The following ZFAT variants were observed in gnomAD, a reference collection of about 807,000 sequenced individuals.
ZFAT encodes the protein zinc finger protein ZFAT.
In ZFAT, 64 loss-of-function variants were observed where a neutral mutation model predicts 117.7. The observed-to-expected ratio is 0.54, with a 90% confidence interval of 0.44 to 0.67. The LOEUF (loss-of-function observed/expected upper bound fraction) is 0.67, where lower values mean the gene tolerates loss of function less well. ZFAT is among the 30% of genes least tolerant of loss of function. The probability of loss-of-function intolerance (pLI) is 0.00; values close to 1 mark genes in which losing one functional copy is unlikely to be tolerated. For synonymous variants in ZFAT, 679 were observed against 615.0 expected (o/e 1.10, Z -1.54); for missense variants, 1,433 against 1,584.5 (o/e 0.90, Z 1.62).
intron 7 of ZFAT, chr8:134,599,647 C>A (rs1330988727): frequency 7.5e-6 from 3 of 400,258 alleles, no homozygotes; most frequent in Non-Finnish European, 9.7e-6. Flanking sequence ...TGCCAGGAAA[C>A]CATGGTAGCA....
chr8:134,770,697 C>A, the ZFAT span, among the ~76,000 whole-genome samples: 1 of 152,218 alleles, frequency 6.6e-6, no homozygotes, highest in South Asian at 2.1e-4. Context: ...TGGAACAGAG[C>A]CATATTTCTC....
In ZFAT at chr8:134,712,905, T is replaced by C; in HGVS notation, c.-42A>G. ...GGAGGAAAAAAAAGCCTCGGGCTCT[T>C]CCGGGCCCCCTCCCGTGCCGACCGA... On this transcript the variant is annotated 5_prime_UTR_variant, in exon 1 of 16. Coordinates refer to ENST00000377838, the MANE Select transcript of ZFAT (RefSeq NM_020863.4). 6.7e-7 allele frequency: 1 copy of C among 1,493,268 alleles called. No homozygotes were observed. Among genetic ancestry groups the C allele is most frequent in the Admixed American group, 2.3e-5 (1 of 43,160 alleles). The allele number at this position is 1,493,268 out of a possible 1,614,324, so 92.5% of individuals were successfully genotyped here.
intron 1 of ZFAT, among the ~76,000 whole-genome samples, chr8:134,699,622 G>A (rs1257127962): frequency 3.3e-5 from 5 of 152,180 alleles, no homozygotes; most frequent in Non-Finnish European, 5.9e-5. Context: ...GTTTGGGATT[G>A]GACAGCCCAA....
intron 11 of ZFAT, among the ~76,000 whole-genome samples, chr8:134,537,056 T>C (rs181838360): frequency 3.3e-5 from 5 of 152,342 alleles, no homozygotes; most frequent in Admixed American, 3.3e-4. Flanking sequence ...TAATGAGATC[T>C]AACATGATAA....
At chr8:134,690,082 T>C (rs1586956080) in intron 1 of ZFAT, among the ~76,000 whole-genome samples, 1 of 152,374 alleles carries the variant, frequency 6.6e-6, no homozygotes, top group African/African-American at 2.4e-5. Context: ...TGTGTTATTT[T>C]TCACCTACAG....
intron 1 of ZFAT, among the ~76,000 whole-genome samples, chr8:134,700,187 A>G (rs1833972113): frequency 6.6e-6 from 1 of 151,076 alleles, no homozygotes; most frequent in African/African-American, 2.5e-5. Context: ...ATGTTTAGCT[A>G]CAGTTTTGTA....
intron 1 of ZFAT, among the ~76,000 whole-genome samples, chr8:134,709,008 T>A (rs1322802691): frequency 6.6e-6 from 1 of 152,194 alleles, no homozygotes; most frequent in Non-Finnish European, 1.5e-5. Context: ...ATTACTCGGC[T>A]GGGCACAGTG....
chr8:134,519,889 T>C (rs933657509), intron 13 of ZFAT, among the ~76,000 whole-genome samples: 1 of 152,224 alleles, frequency 6.6e-6, no homozygotes, highest in African/African-American at 2.4e-5. Context: ...CAGTGAACAC[T>C]GAATTTTGTC....
chr8:134,769,862 G>A, the ZFAT span, among the ~76,000 whole-genome samples: 4 of 152,328 alleles, frequency 2.6e-5, no homozygotes, highest in South Asian at 4.1e-4. Flanking sequence ...CAGGCTCAAC[G>A]CCATGTGGAA....
the ZFAT span, among the ~76,000 whole-genome samples, chr8:134,789,585 G>A: frequency 2.0e-5 from 3 of 152,104 alleles, no homozygotes; most frequent in African/African-American, 7.2e-5. Flanking sequence ...TCTGGAATGT[G>A]AGCACTACAG....
At chr8:134,803,776 G>C in the ZFAT span, among the ~76,000 whole-genome samples, 92 of 152,210 alleles carry the variant, frequency 6.0e-4, 1 homozygote, top group East Asian at 1.4e-3. Flanking sequence ...TGCTTTACTT[G>C]CTGTTTATAA....
At chr8:134,527,127 C>G (rs1821081595) in intron 12 of ZFAT, among the ~76,000 whole-genome samples, 1 of 152,142 alleles carries the variant, frequency 6.6e-6, no homozygotes, top group Admixed American at 6.5e-5. Context: ...AGAAGCTCCA[C>G]TGGCCATTTC....
At chr8:134,606,541 C>A (rs763065265) in intron 5 of ZFAT, among the ~76,000 whole-genome samples, 1 of 151,812 alleles carries the variant, frequency 6.6e-6, no homozygotes, top group Admixed American at 6.6e-5. Context: ...ATAGTGAAAC[C>A]CCAACTCTAC....
At chr8:134,674,743 G>A in intron 1 of ZFAT, 1 of 277,846 alleles carries the variant, frequency 3.6e-6, no homozygotes, top group Non-Finnish European at 7.1e-6. Context: ...ATACAGGAGA[G>A]CTCTGGCTGG....
At chr8:134,733,238 C>T in the ZFAT span, among the ~76,000 whole-genome samples, 1 of 152,226 alleles carries the variant, frequency 6.6e-6, no homozygotes, top group South Asian at 2.1e-4. Flanking sequence ...ATTCCTAGAG[C>T]TGCCAGAGTC....
chr8:134,521,227 GC>G (rs1373589741), intron 12 of ZFAT, among the ~76,000 whole-genome samples: 1 of 152,140 alleles, frequency 6.6e-6, no homozygotes, highest in Non-Finnish European at 1.5e-5. Context: ...TGTTGAATAA[GC>G]TTTTGTAGAC....
chr8:134,671,734 G>A (rs1388005926), intron 1 of ZFAT, among the ~76,000 whole-genome samples: 1 of 152,214 alleles, frequency 6.6e-6, no homozygotes, highest in Non-Finnish European at 1.5e-5. Flanking sequence ...ATTCAACCCA[G>A]TGTTGGAAGT....
intron 1 of ZFAT, among the ~76,000 whole-genome samples, chr8:134,682,254 G>T (rs140121058): frequency 1.8e-4 from 27 of 152,162 alleles, no homozygotes; most frequent in Admixed American, 5.2e-4. Flanking sequence ...AGGGAGCACG[G>T]ATATTTTACA....
At chr8:134,574,770 A>G (rs1334712103) in intron 10 of ZFAT, among the ~76,000 whole-genome samples, 1 of 152,200 alleles carries the variant, frequency 6.6e-6, no homozygotes, top group Non-Finnish European at 1.5e-5. Context: ...AACTGTTATT[A>G]GTAATACTAT....
Sources: allele counts gnomAD v4.1 joint callset (sites outside exome capture counted in the v4.1 genomes callset), GRCh38; gene constraint gnomAD v4.1.1; transcripts MANE v1.5; gene names NCBI Gene and HGNC (gene_info 2026-07-23, HGNC 2026-07-21).